The following NCOR2 variants were observed in gnomAD, a reference collection of about 807,000 sequenced individuals.
NCOR2 encodes CTG repeat protein 26.
Under a neutral mutation model 262.9 loss-of-function variants are expected in NCOR2, and 81 were observed. The observed-to-expected ratio is 0.31, with a 90% CI of 0.26 to 0.37. NCOR2 has a LOEUF of 0.37. Ranked by LOEUF, NCOR2 falls within the 10% of genes least tolerant of loss-of-function variation. NCOR2 has a pLI of 1.00. For missense variants in NCOR2, 3,385 were observed against 3,621.4 expected (o/e 0.93, Z 1.68); for synonymous variants, 1,659 against 1,559.3 (o/e 1.06, Z -1.51).
chr12:124,406,820 C>T (rs540024761), intron 13 of NCOR2, among the ~76,000 whole-genome samples: 423 of 152,328 alleles, frequency 2.8e-3, no homozygotes, highest in African/African-American at 9.2e-3. Flanking sequence ...GCCAGACAAG[C>T]AGCACATGAC....
intron 32 of NCOR2, among the ~76,000 whole-genome samples, chr12:124,343,719 C>T (rs1422896100): frequency 6.6e-6 from 1 of 152,048 alleles, no homozygotes; most frequent in African/African-American, 2.4e-5. Context: ...CTCTGCCTCC[C>T]AGGCTCAAGT....
Position 124,495,082 on chromosome 12 carries a change from G to C in NCOR2, c.105+65C>G, listed in dbSNP as rs1443728468. On this transcript the variant is annotated intron_variant, in intron 1 of 46. Coordinates refer to ENST00000405201, the Ensembl canonical transcript of NCOR2. This position sits in a 1 kb window ranked among gnomAD's most constrained non-coding sequence, Gnocchi z 4.4. ...CTCCCAGGAGAAAGGAAGGGGTGAA[G>C]ACTCAGTGGAATGGAAGAAGGGTCT... 6 of 1,572,738 alleles carry C rather than the reference G, an allele frequency of 3.8e-6. No individual in the cohort carries two copies. The African/African-American group carries it at 8.1e-5, about 21-fold the overall frequency.
At chr12:124,455,659 C>T (rs3782279) in intron 6 of NCOR2, among the ~76,000 whole-genome samples, 8,185 of 152,304 alleles carry the variant, frequency 0.054, 483 homozygotes, top group African/African-American at 0.15. Flanking sequence ...TTCACAACTA[C>T]TGAGCGCTTC....
At chr12:124,467,106 GTCA>G (rs2046465677) in intron 4 of NCOR2, among the ~76,000 whole-genome samples, 2 of 90,620 alleles carry the variant, frequency 2.2e-5, no homozygotes, top group African/African-American at 4.6e-5. Context: ...CATCATCCTC[GTCA>G]TCCTCATGAC....
chr12:124,349,221 C>T (rs1345300648), intron 28 of NCOR2, among the ~76,000 whole-genome samples: 1 of 152,164 alleles, frequency 6.6e-6, no homozygotes, highest in Non-Finnish European at 1.5e-5. Flanking sequence ...CGGAGGTGGC[C>T]CCCGAAGGTA....
chr12:124,495,477 C>A, upstream of NCOR2: 1 of 768,166 alleles, frequency 1.3e-6, no homozygotes, highest in Non-Finnish European at 1.9e-6. This position sits in a 1 kb window ranked among gnomAD's most constrained non-coding sequence, Gnocchi z 4.4. Context: ...CGCGAGCACC[C>A]AGGGGCCTGC....
Position 124,354,603 on chromosome 12 carries a change from C to T in NCOR2, c.3485-21G>A, listed in dbSNP as rs752770586. The T allele has an allele frequency of 1.7e-5, 26 of 1,522,684 alleles. No homozygotes were observed. In the South Asian group the frequency reaches 2.0e-4, roughly 12 times the overall value. 94.3% of individuals were successfully genotyped at this position (1,522,684 alleles called of 1,614,324 possible). ...GGGTGCTGAGGACCAGTAAGAGGAG[C>T]GAGTCACGTGCTGCCGGAGCAGGGT... On this transcript the variant is annotated intron_variant, in intron 25 of 46. Transcript: ENST00000405201.
At chr12:124,354,919 G>C in exon 25 of NCOR2, 1 of 1,612,924 alleles carries the variant, frequency 6.2e-7, no homozygotes, top group Non-Finnish European at 8.5e-7. Context: ...AGTACGGGAC[G>C]TGGAGCTGGA....
At chr12:124,391,506 G>C (rs1001312947) in intron 16 of NCOR2, among the ~76,000 whole-genome samples, 8 of 152,196 alleles carry the variant, frequency 5.3e-5, no homozygotes, top group East Asian at 1.9e-4. Context: ...CCCTGGCGGG[G>C]GGGGGGTTCC....
At chr12:124,433,955 G>A (rs996073516) in intron 8 of NCOR2, among the ~76,000 whole-genome samples, 5 of 127,468 alleles carry the variant, frequency 3.9e-5, no homozygotes, top group Non-Finnish European at 6.7e-5. Flanking sequence ...CCCCACCCCC[G>A]CCAGCTAGTC....
rs1307545767 is a variant in NCOR2 at position 124,378,084 on chromosome 12, C to G, written c.2167+153G>C. On this transcript the variant is annotated intron_variant, in intron 18 of 46. Coordinates refer to ENST00000405201, the Ensembl canonical transcript of NCOR2. This position sits in a 1 kb window ranked among gnomAD's most constrained non-coding sequence, Gnocchi z 4.2. ...CATTACTGGTGAGTTTCTGGCAAGT[C>G]AGGCCCGCACCTTCCAGGGAGTCGA... 2.0e-5 allele frequency among the ~76,000 whole-genome samples: 3 copies of G among 152,072 alleles called. No individual in the cohort carries two copies. The highest frequency in any genetic ancestry group is 3.9e-4 in the East Asian group (2 of 5,170).
intron 1 of NCOR2, among the ~76,000 whole-genome samples, chr12:124,487,581 T>C (rs1188105830): frequency 6.6e-6 from 1 of 152,138 alleles, no homozygotes; most frequent in Non-Finnish European, 1.5e-5. Flanking sequence ...CCTCAAGCGC[T>C]CCTCTTAGTA....
intron 1 of NCOR2, among the ~76,000 whole-genome samples, chr12:124,490,315 T>A (rs890554082): frequency 1.3e-4 from 20 of 152,066 alleles, no homozygotes; most frequent in African/African-American, 4.8e-4. Context: ...GGAGGTCAGC[T>A]CCCTGAGACA....
rs962685318 is a variant in NCOR2 at position 124,367,763 on chromosome 12, G to A, written c.2808-3964C>T. ...TCCTCCTGCCTCAGTCTCCCTAGTAGCTGGGATTGCAGGCACACGCCACCA... is the reference window on the plus strand; with the variant it reads ...TCCTCCTGCCTCAGTCTCCCTAGTAACTGGGATTGCAGGCACACGCCACCA... On this transcript the variant is annotated intron_variant, in intron 20 of 46. Transcript: ENST00000405201. Among the ~76,000 whole-genome samples the A allele has an allele frequency of 2.0e-5, 3 of 152,076 alleles. No homozygotes were observed. The East Asian group carries it at 5.8e-4, about 29-fold the overall frequency.
intron 17 of NCOR2, chr12:124,383,493 A>G: frequency 1.1e-6 from 1 of 931,644 alleles, no homozygotes; most frequent in Non-Finnish European, 1.4e-6. Flanking sequence ...CAGTGCTCAT[A>G]CCTCCCACAA....
chr12:124,562,270 G>A (rs543050383), intron 1 of NCOR2: 2 of 152,314 alleles, frequency 1.3e-5, no homozygotes, highest in East Asian at 3.9e-4. Flanking sequence ...AGTGGCTAAA[G>A]CACGGGACAG....
chr12:124,354,191 C>G, exon 27 of NCOR2: 1 of 1,597,196 alleles, frequency 6.3e-7, no homozygotes, highest in South Asian at 1.1e-5. Flanking sequence ...GAGCCCAGAG[C>G]TGTCCCTGGA....
At position 124,483,252 on chromosome 12, in the gene NCOR2, GCT is replaced by G. The variant is rs1301982679; in HGVS notation, c.411+342_411+343del. On this transcript the variant is annotated intron_variant, in intron 3 of 46. Transcript: ENST00000405201. The surrounding 1 kb of genome is among the most constrained non-coding windows in gnomAD (Gnocchi z 6.3). ...CGGTCCTGACCCCCATCGAATGGCA[GCT>G]CTCTGCTCCACGGCACCCCAGGCCC... Among the ~76,000 whole-genome samples, 14 of 152,054 alleles carry G rather than the reference GCT, an allele frequency of 9.2e-5. No homozygotes were observed. The highest frequency in any genetic ancestry group is 8.5e-4 in the Admixed American group (13 of 15,262).
chr12:124,421,876 C>T (rs1593463918), intron 12 of NCOR2, among the ~76,000 whole-genome samples: 1 of 152,236 alleles, frequency 6.6e-6, no homozygotes, highest in African/African-American at 2.4e-5. Context: ...TCTCTGGGGA[C>T]ACTTTGTGTC....
Sources: allele counts gnomAD v4.1 joint callset (sites outside exome capture counted in the v4.1 genomes callset), GRCh38; gene constraint gnomAD v4.1.1; non-coding constraint Gnocchi (gnomAD v3.1); transcripts MANE v1.5; gene names NCBI Gene and HGNC (gene_info 2026-07-23, HGNC 2026-07-21).